The following KIAA1328 variants were observed in gnomAD, a reference collection of about 807,000 sequenced individuals.
The protein encoded by KIAA1328 is protein hinderin.
A neutral mutation model predicts 68.1 loss-of-function variants in KIAA1328; 52 were observed. The observed-to-expected ratio is 0.76, with a 90% CI of 0.61 to 0.96. KIAA1328 has a LOEUF of 0.96. KIAA1328 is among the 40% of genes least tolerant of loss of function. The pLI, the probability that KIAA1328 is intolerant of heterozygous loss-of-function variation, is 0.00. For synonymous variants in KIAA1328, 232 were observed against 239.4 expected, an observed-to-expected ratio of 0.97 and a Z score of 0.28; for missense variants, 641 against 677.6, an observed-to-expected ratio of 0.95 and a Z score of 0.60.
chr18:37,017,913 A>G (rs553921767), intron 6 of KIAA1328, among the ~76,000 whole-genome samples: 125 of 152,146 alleles, frequency 8.2e-4, no homozygotes, highest in Non-Finnish European at 1.1e-3. Flanking sequence ...TTTTTCTCCA[A>G]CTTTGTCACT....
At chr18:37,092,296 G>A (rs2057289163) in intron 7 of KIAA1328, among the ~76,000 whole-genome samples, 2 of 151,884 alleles carry the variant, frequency 1.3e-5, no homozygotes, top group African/African-American at 4.8e-5. Context: ...TCACACCCAG[G>A]GTCCTAAGAA....
intron 7 of KIAA1328, among the ~76,000 whole-genome samples, chr18:37,096,215 T>C (rs1163606621): frequency 6.6e-6 from 1 of 152,198 alleles, no homozygotes; most frequent in Admixed American, 6.5e-5. Flanking sequence ...CTCCTAATGC[T>C]ATCCCTCCCC....
chr18:37,064,546 C>CG (rs1241459930), intron 6 of KIAA1328, among the ~76,000 whole-genome samples: 4 of 145,168 alleles, frequency 2.8e-5, no homozygotes, highest in South Asian at 4.8e-4. Flanking sequence ...ACCCCCCCCC[C>CG]CAAATATGAC....
chr18:37,057,729 C>T (rs1044734145), intron 6 of KIAA1328, among the ~76,000 whole-genome samples: 7 of 152,098 alleles, frequency 4.6e-5, no homozygotes, highest in Non-Finnish European at 8.8e-5. Flanking sequence ...GCCACCACGC[C>T]TGGCCTGCAT....
intron 9 of KIAA1328, among the ~76,000 whole-genome samples, chr18:37,211,329 A>C (rs2060312117): frequency 6.6e-6 from 1 of 152,200 alleles, no homozygotes; most frequent in South Asian, 2.1e-4. Context: ...TTCCTCATCA[A>C]TAAAATAAGA....
chr18:37,226,705 G>A (rs760873644), downstream of KIAA1328, among the ~76,000 whole-genome samples: 52 of 142,344 alleles, frequency 3.7e-4, no homozygotes, highest in Non-Finnish European at 6.3e-4. Flanking sequence ...ATGGACATTT[G>A]GGTTGTTCCC....
chr18:37,097,130 T>C (rs975449608), intron 7 of KIAA1328, among the ~76,000 whole-genome samples: 4 of 152,228 alleles, frequency 2.6e-5, no homozygotes, highest in African/African-American at 4.8e-5. Context: ...TTTGGTGTTT[T>C]AGACATGAAG....
intron 6 of KIAA1328, among the ~76,000 whole-genome samples, chr18:36,973,390 G>T (rs2052317728): frequency 6.6e-6 from 1 of 151,980 alleles, no homozygotes; most frequent in South Asian, 2.1e-4. Flanking sequence ...GAGTTAACGG[G>T]TGCAGCACAC....
chr18:36,981,042 T>C (rs937187423), intron 6 of KIAA1328, among the ~76,000 whole-genome samples: 1 of 152,200 alleles, frequency 6.6e-6, no homozygotes, highest in African/African-American at 2.4e-5. Flanking sequence ...ACTTAATTGG[T>C]GAGGAACAAA....
At chr18:37,157,843 T>G (rs936997341) in intron 7 of KIAA1328, among the ~76,000 whole-genome samples, 3 of 151,414 alleles carry the variant, frequency 2.0e-5, no homozygotes, top group Non-Finnish European at 2.9e-5. Context: ...ATTACCTCAT[T>G]CTTTTTAATG....
intron 7 of KIAA1328, among the ~76,000 whole-genome samples, chr18:37,092,892 C>A (rs1380432685): frequency 1.3e-5 from 2 of 152,112 alleles, no homozygotes; most frequent in Non-Finnish European, 2.9e-5. Flanking sequence ...CGAGGTATGG[C>A]CTGCTTAGAC....
rs552764783 is a variant in KIAA1328, at chr18:37,068,450, T to C, written c.1232+905T>C. Among the ~76,000 whole-genome samples, 163 of 152,372 alleles carry C rather than the reference T, an allele frequency of 1.1e-3. 2 individuals carry two copies. The Middle Eastern group carries it at 0.02, about 19-fold the overall frequency. ...GATAAATTGCTGTTTTATTATTATA[T>C]AATGTTTCTTTACTCCACATCCTTG... is the stretch of plus-strand genomic sequence containing the variant. On this transcript the variant is annotated intron_variant, in intron 7 of 9. Transcript: ENST00000280020.
intron 7 of KIAA1328, among the ~76,000 whole-genome samples, chr18:37,138,115 A>G (rs2058685464): frequency 6.6e-6 from 1 of 152,218 alleles, no homozygotes; most frequent in Admixed American, 6.5e-5. Context: ...TAGTAACATA[A>G]ATAATGATAA....
chr18:36,892,706 A>G (rs984419077), intron 5 of KIAA1328, among the ~76,000 whole-genome samples: 8 of 152,186 alleles, frequency 5.3e-5, no homozygotes, highest in Admixed American at 1.3e-4. Flanking sequence ...GAGCATTGTT[A>G]TTATAAATTG....
chr18:37,154,322 A>C (rs1314123648), intron 7 of KIAA1328, among the ~76,000 whole-genome samples: 1 of 152,184 alleles, frequency 6.6e-6, no homozygotes, highest in Non-Finnish European at 1.5e-5. Context: ...CACTGCCTAA[A>C]ATCAGCATCT....
intron 6 of KIAA1328, among the ~76,000 whole-genome samples, chr18:37,036,902 A>G (rs1015060743): frequency 9.2e-5 from 14 of 152,154 alleles, no homozygotes; most frequent in African/African-American, 3.4e-4. Flanking sequence ...TGATCATCCT[A>G]ATTATGACAT....
intron 9 of KIAA1328, among the ~76,000 whole-genome samples, chr18:37,207,334 A>C (rs1329043509): frequency 6.6e-6 from 1 of 152,192 alleles, no homozygotes; most frequent in Non-Finnish European, 1.5e-5. Context: ...ACCCCTGGTT[A>C]GGTCGTTCCT....
intron 6 of KIAA1328, among the ~76,000 whole-genome samples, chr18:37,028,315 T>C (rs1568311196): frequency 6.6e-6 from 1 of 152,156 alleles, no homozygotes; most frequent in Non-Finnish European, 1.5e-5. Context: ...TGGATTGCAT[T>C]CTTGATTTGG....
chr18:37,178,428 T>G (rs559999297), intron 9 of KIAA1328, among the ~76,000 whole-genome samples: 5 of 152,330 alleles, frequency 3.3e-5, no homozygotes, highest in African/African-American at 1.2e-4. Flanking sequence ...TCATTCTTAT[T>G]TATGGCTGAA....
Sources: allele counts gnomAD v4.1 joint callset (sites outside exome capture counted in the v4.1 genomes callset), GRCh38; gene constraint gnomAD v4.1.1; transcripts MANE v1.5; gene names NCBI Gene and HGNC (gene_info 2026-07-23, HGNC 2026-07-21).